The following CSMD3 variants were observed in gnomAD, a reference collection of about 807,000 sequenced individuals.
CSMD3 encodes CUB and sushi domain-containing protein 3.
CSMD3 carries 177 observed loss-of-function variants against 435.2 expected under a neutral mutation model. That is an observed-to-expected ratio of 0.41 (90% CI 0.36 to 0.46). CSMD3 has a LOEUF of 0.46. Ranked by LOEUF, CSMD3 falls within the 20% of genes least tolerant of loss-of-function variation. The probability of loss-of-function intolerance (pLI) is 0.34; values close to 1 mark genes in which losing one functional copy is unlikely to be tolerated. For synonymous variants in CSMD3, 1,656 were observed against 1,520.5 expected (o/e 1.09, Z -2.07); for missense variants, 4,265 against 4,504.6 (o/e 0.95, Z 1.52).
chr8:112,570,900 G>A (rs1463309922), intron 24 of CSMD3, among the ~76,000 whole-genome samples: 1 of 152,134 alleles, frequency 6.6e-6, no homozygotes, highest in Non-Finnish European at 1.5e-5. Flanking sequence ...ATAAATGTAT[G>A]TTTTCCCTTT....
At chr8:112,494,372 A>G (rs60609448) in intron 30 of CSMD3, among the ~76,000 whole-genome samples, 2,619 of 149,600 alleles carry the variant, frequency 0.018, 78 homozygotes, top group African/African-American at 0.061. Flanking sequence ...AAATACTTAA[A>G]GGCTCACGAC....
chr8:113,357,531 T>C (rs1182083904), intron 1 of CSMD3, among the ~76,000 whole-genome samples: 2 of 152,194 alleles, frequency 1.3e-5, no homozygotes, highest in East Asian at 1.9e-4. Flanking sequence ...ATAAAATAAT[T>C]TAATTCAATA....
At chr8:112,666,548 A>G in intron 16 of CSMD3, 133 bp from the exon 17 acceptor site, 3 of 753,114 alleles carry the variant, frequency 4.0e-6, no homozygotes, top group Non-Finnish European at 6.8e-6. Context: ...TTTGAAAGCA[A>G]TGGTACATCT....
chr8:112,386,650 A>G (rs1046597445), intron 36 of CSMD3, among the ~76,000 whole-genome samples: 2 of 151,970 alleles, frequency 1.3e-5, no homozygotes, highest in East Asian at 3.9e-4. Context: ...GGCGCCCGCC[A>G]CCACGCCCGG....
chr8:113,265,524 T>C (rs2093462539), intron 3 of CSMD3, among the ~76,000 whole-genome samples: 1 of 151,578 alleles, frequency 6.6e-6, no homozygotes, highest in Non-Finnish European at 1.5e-5. Context: ...TCTAAAAGCA[T>C]CTATAGTATT....
intron 36 of CSMD3, among the ~76,000 whole-genome samples, chr8:112,386,714 G>GTA (rs1225912492): frequency 5.7e-4 from 87 of 152,048 alleles, no homozygotes; most frequent in Non-Finnish European, 8.8e-4. Flanking sequence ...AGCCAGGATG[G>GTA]TCGCTATCTC....
At chr8:112,829,037 T>A (rs1316411034) in intron 12 of CSMD3, among the ~76,000 whole-genome samples, 3 of 145,952 alleles carry the variant, frequency 2.1e-5, no homozygotes. Flanking sequence ...GAGAAGAGAA[T>A]GAAAAGGAAA....
In CSMD3 at chr8:112,610,583, G is replaced by A. The variant is rs145116905; in HGVS notation, c.3716-23348C>T. On this transcript the variant is annotated intron_variant, in intron 22 of 70. Transcript: ENST00000297405. ...TAATAAAAAAAAATTGTATATGATC[G>A]TATTAACCAATAAATAAATGTCCAA... Among the ~76,000 whole-genome samples the A allele has an allele frequency of 8.5e-4, 130 of 152,092 alleles. 1 individual carries two copies. Among genetic ancestry groups the A allele is most frequent in the African/African-American group, 2.9e-3 (120 of 41,492 alleles).
At chr8:113,042,309 T>G (rs1310173631) in intron 5 of CSMD3, among the ~76,000 whole-genome samples, 1 of 152,158 alleles carries the variant, frequency 6.6e-6, no homozygotes, top group East Asian at 1.9e-4. Flanking sequence ...TTAATTAGAA[T>G]AGACTCACCA....
chr8:113,410,043 C>T (rs1268681523), intron 1 of CSMD3, among the ~76,000 whole-genome samples: 1 of 151,980 alleles, frequency 6.6e-6, no homozygotes, highest in African/African-American at 2.4e-5. Flanking sequence ...TACTTACTGC[C>T]TTATATTCAC....
At chr8:112,690,598 C>CA (rs1028084923) in intron 13 of CSMD3, among the ~76,000 whole-genome samples, 5 of 133,650 alleles carry the variant, frequency 3.7e-5, no homozygotes, top group Admixed American at 7.4e-5. Flanking sequence ...CCCCCCCCCC[C>CA]AACAAAAAAA....
At chr8:113,351,342 A>G (rs977828549) in intron 1 of CSMD3, among the ~76,000 whole-genome samples, 1 of 152,190 alleles carries the variant, frequency 6.6e-6, no homozygotes, top group East Asian at 1.9e-4. Flanking sequence ...TTAAATGAAT[A>G]TATCTTGGAA....
intron 22 of CSMD3, among the ~76,000 whole-genome samples, chr8:112,592,549 A>C (rs1831285356): frequency 6.6e-6 from 1 of 152,076 alleles, no homozygotes; most frequent in South Asian, 2.1e-4. Flanking sequence ...TACCATACAG[A>C]ATTAGGGTAA....
At chr8:113,435,878 C>T (rs1224235845) in intron 1 of CSMD3, among the ~76,000 whole-genome samples, 1 of 152,098 alleles carries the variant, frequency 6.6e-6, no homozygotes, top group Non-Finnish European at 1.5e-5. Flanking sequence ...CCCTTGCCTT[C>T]CTGCTTGGGA....
At chr8:113,012,684 C>T (rs1426638192) in intron 6 of CSMD3, among the ~76,000 whole-genome samples, 2 of 152,004 alleles carry the variant, frequency 1.3e-5, no homozygotes, top group South Asian at 2.1e-4. Context: ...GAGGCCTCCC[C>T]ATCCATGCAG....
intron 10 of CSMD3, among the ~76,000 whole-genome samples, chr8:112,899,293 C>T (rs2130417113): frequency 6.6e-6 from 1 of 150,688 alleles, no homozygotes; most frequent in South Asian, 2.1e-4. Flanking sequence ...AGAAAAAAGG[C>T]ATTCATGGCT....
chr8:113,052,175 C>T (rs1443806697), intron 5 of CSMD3, among the ~76,000 whole-genome samples: 1 of 152,068 alleles, frequency 6.6e-6, no homozygotes, highest in Non-Finnish European at 1.5e-5. Flanking sequence ...TTGGCTTTTC[C>T]TCATCAATAA....
chr8:112,258,025 T>C (rs1717650947), intron 61 of CSMD3, among the ~76,000 whole-genome samples: 1 of 152,008 alleles, frequency 6.6e-6, no homozygotes, highest in Non-Finnish European at 1.5e-5. Context: ...AAACAAGCAA[T>C]AGGGAAAGGA....
intron 7 of CSMD3, among the ~76,000 whole-genome samples, chr8:112,959,660 C>A (rs1036857743): frequency 1.3e-5 from 2 of 151,698 alleles, no homozygotes. Context: ...TAATTATAAT[C>A]TTATCTTTTA....
Sources: allele counts gnomAD v4.1 joint callset (sites outside exome capture counted in the v4.1 genomes callset), GRCh38; gene constraint gnomAD v4.1.1; transcripts MANE v1.5; gene names NCBI Gene and HGNC (gene_info 2026-07-23, HGNC 2026-07-21).